NSD3: variants seen among roughly 807,000 people sequenced by gnomAD.
The protein encoded by NSD3 is nuclear receptor binding SET domain protein 3, also known as histone-lysine N-methyltransferase NSD3.
NSD3 carries 24 observed loss-of-function variants against 160.8 expected under a neutral mutation model. That is an observed-to-expected ratio of 0.15 (90% confidence interval 0.11 to 0.21). The LOEUF (loss-of-function observed/expected upper bound fraction) is 0.21. NSD3 is among the 10% of genes least tolerant of loss of function. The probability of loss-of-function intolerance (pLI) is 1.00; values close to 1 mark genes in which losing one functional copy is unlikely to be tolerated. For missense variants in NSD3, 1,157 were observed against 1,735.9 expected, an observed-to-expected ratio of 0.67 and a Z score of 5.93; for synonymous variants, 520 against 600.0, an observed-to-expected ratio of 0.87 and a Z score of 1.95.
intron 1 of NSD3, among the ~76,000 whole-genome samples, chr8:38,379,577 G>A (rs549298109): frequency 1.3e-5 from 2 of 151,986 alleles, no homozygotes; most frequent in Non-Finnish European, 2.9e-5. Context: ...AGCTGAGAGG[G>A]TGCTTTTAGT....
intron 7 of NSD3, among the ~76,000 whole-genome samples, chr8:38,324,305 C>G (rs1413602992): frequency 6.6e-6 from 1 of 152,192 alleles, no homozygotes; most frequent in Non-Finnish European, 1.5e-5. Flanking sequence ...ATGCCCCATC[C>G]AACATGTGCT....
At chr8:38,366,418 C>T (rs1172665009) in intron 1 of NSD3, among the ~76,000 whole-genome samples, 183 of 132,166 alleles carry the variant, frequency 1.4e-3, no homozygotes, top group African/African-American at 4.5e-3. Flanking sequence ...CTACTTAATT[C>T]TTTTTTTTTT....
intron 1 of NSD3, among the ~76,000 whole-genome samples, chr8:38,351,648 G>A (rs1278701490): frequency 1.2e-4 from 18 of 149,212 alleles, no homozygotes; most frequent in Non-Finnish European, 2.2e-4. Context: ...GGGCAACAGA[G>A]TGAGACTCCG....
intron 21 of NSD3, among the ~76,000 whole-genome samples, chr8:38,278,697 A>G (rs1808669410): frequency 6.6e-6 from 1 of 152,246 alleles, no homozygotes; most frequent in South Asian, 2.1e-4. Flanking sequence ...TCTGCAATCT[A>G]TGCTCAGGAG....
chr8:38,299,720 G>C, intron 14 of NSD3, 130 bp from the exon 15 acceptor site: 253 of 823,638 alleles, frequency 3.1e-4, no homozygotes, highest in Non-Finnish European at 3.9e-4. Context: ...AGAATATGAA[G>C]AAAAAAGAAA....
intron 1 of NSD3, among the ~76,000 whole-genome samples, chr8:38,372,438 A>G (rs553202974): frequency 6.6e-6 from 1 of 151,720 alleles, no homozygotes; most frequent in South Asian, 2.1e-4. Flanking sequence ...ACAATTAAAA[A>G]CTGGTTATTC....
In NSD3 at chr8:38,321,280, G is replaced by T; in HGVS notation, c.1709-108C>A. The T allele has an allele frequency of 1.2e-6, 1 of 805,380 alleles. No homozygotes were observed. The highest frequency in any genetic ancestry group is 1.9e-6 in the Non-Finnish European group (1 of 527,754). 49.9% of individuals were successfully genotyped at this position (805,380 alleles called of 1,614,324 possible). On this transcript the variant is annotated intron_variant, in intron 7 of 23. Transcript: ENST00000317025. The surrounding 1 kb of genome is among the most constrained non-coding windows in gnomAD (Gnocchi z 4.7). ...TTGCTTTTCTTACCCATTACTTTTG[G>T]AATTTTAATTAAAATCATTAAAAAA...
chr8:38,364,147 C>T (rs1406270030), intron 1 of NSD3, among the ~76,000 whole-genome samples: 1 of 151,904 alleles, frequency 6.6e-6, no homozygotes, highest in Non-Finnish European at 1.5e-5. Flanking sequence ...CATGGTGATG[C>T]GCGTCTGTAG....
At chr8:38,295,402 A>AATT (rs1809110946) in intron 16 of NSD3, among the ~76,000 whole-genome samples, 1 of 151,968 alleles carries the variant, frequency 6.6e-6, no homozygotes, top group Non-Finnish European at 1.5e-5. Flanking sequence ...CTCTACTAAA[A>AATT]ATACAAAAAA....
intron 1 of NSD3, among the ~76,000 whole-genome samples, chr8:38,371,488 T>A (rs894916824): frequency 6.6e-6 from 1 of 152,170 alleles, no homozygotes; most frequent in African/African-American, 2.4e-5. Context: ...TACTTCCACA[T>A]CTAGGAAAAC....
In NSD3 at chr8:38,338,573, T is replaced by G. The variant is rs1563360257; in HGVS notation, c.710A>C (p.Lys237Thr). 20 of 1,613,920 alleles carry G rather than the reference T, an allele frequency of 1.2e-5. No homozygotes were observed. Among genetic ancestry groups the G allele is most frequent in the Non-Finnish European group, 1.7e-5 (20 of 1,179,932 alleles). ...PNERVDTVSE[K>T]PREEPVLKEE... ...TTTTAGTACTGGTTCTTCCCTTGGT[T>G]TTTCTGATACAGTGTCAACCCTCTC... is the stretch of plus-strand genomic sequence containing the variant. Residue 237 changes from lysine to threonine, a missense_variant, in exon 3 of 24, where the codon AAA becomes ACA. Physicochemically the swap from Lys to Thr is moderately conservative, Grantham distance 78. Around this residue, in one of 10 missense-constraint regions of NSD3, gnomAD observed 99 missense variants for 151.8 expected, o/e 0.65. Coordinates refer to ENST00000317025, the MANE Select transcript of NSD3 (RefSeq NM_023034.2).
intron 23 of NSD3, 26 bp from the exon 24 acceptor site, chr8:38,275,908 AAGG>A (rs1563339072): frequency 3.1e-6 from 5 of 1,602,076 alleles, no homozygotes; most frequent in African/African-American, 1.3e-5. Flanking sequence ...GGGGAGGAAG[AAGG>A]AGAAGTGCCC....
Position 38,273,481 on chromosome 8 carries a change from G to A in NSD3, c.*2160C>T, listed in dbSNP as rs1188884593. On this transcript the variant is annotated 3_prime_UTR_variant, in exon 24 of 24. Transcript: ENST00000317025. ...ATAGGATGTACCCTGGCTTACCATAGAAAAGTCTTTAGATAGTAAATAGCA... is the reference window on the plus strand; with the variant it reads ...ATAGGATGTACCCTGGCTTACCATAAAAAAGTCTTTAGATAGTAAATAGCA... The A allele has an allele frequency of 6.6e-6, 1 of 152,040 alleles. No individual in the cohort carries two copies. The highest frequency in any genetic ancestry group is 1.5e-5 in the Non-Finnish European group (1 of 68,026). The allele number at this position is 152,040 out of a possible 1,614,324, so 9.4% of individuals were successfully genotyped here. A position where few individuals can be genotyped will look rare whatever the true frequency, so the allele number is the denominator to read the frequency against.
At chr8:38,284,979 C>T (rs1350316824) in intron 19 of NSD3, among the ~76,000 whole-genome samples, 1 of 152,152 alleles carries the variant, frequency 6.6e-6, no homozygotes, top group East Asian at 1.9e-4. Flanking sequence ...AGATCTTTAG[C>T]CTCAAAGAGA....
intron 15 of NSD3, 56 bp from the exon 16 acceptor site, chr8:38,296,008 G>GA (rs1809128808): frequency 5.4e-6 from 8 of 1,488,744 alleles, no homozygotes; most frequent in Non-Finnish European, 6.3e-6. Context: ...GAAAAAGAAA[G>GA]AAAAAGGAGA....
At position 38,329,837 on chromosome 8, in the gene NSD3, A is replaced by G. The variant is rs1810010642; in HGVS notation, c.1122T>C (p.His374=). 2 of 1,612,262 alleles carry G rather than the reference A, an allele frequency of 1.2e-6. No homozygotes were observed. The highest frequency in any genetic ancestry group is 2.7e-5 in the African/African-American group (2 of 74,852). ...ERAQWDIGIA[H]AEKALKMTRE... is the part of the protein sequence containing the mutation. ...GAGTCATTTTCAATGCTTTCTCTGC[A>G]TGGGCAATGCCAATATCCCACTGAG... Residue 374 remains histidine, a synonymous_variant, in exon 6 of 24, where the codon CAT becomes CAC. Coordinates refer to ENST00000317025, the MANE Select transcript of NSD3 (RefSeq NM_023034.2). The surrounding 1 kb of genome is among the most constrained non-coding windows in gnomAD (Gnocchi z 4.8).
At chr8:38,315,017 A>G (rs1809624757) in intron 11 of NSD3, among the ~76,000 whole-genome samples, 1 of 152,270 alleles carries the variant, frequency 6.6e-6, no homozygotes, top group South Asian at 2.1e-4. Context: ...ACAATATGGT[A>G]TAAAGTTTAA....
rs144818849 is a variant in NSD3, at chr8:38,291,626, G to A, written c.2916-949C>T. Among the ~76,000 whole-genome samples, 336 of 152,262 alleles carry A rather than the reference G, an allele frequency of 2.2e-3. 1 individual carries two copies. Among genetic ancestry groups the A allele is most frequent in the Non-Finnish European group, 4.1e-3 (281 of 68,010 alleles). On this transcript the variant is annotated intron_variant, in intron 16 of 23. Transcript: ENST00000317025. The stretch of plus-strand genomic sequence containing the variant: ...TGAAAACATGGGTAAGAATCCATGC[G>A]CAAATTGTAAACAAAACAAAAACCA...
intron 16 of NSD3, among the ~76,000 whole-genome samples, chr8:38,294,241 G>T (rs1809078671): frequency 6.6e-6 from 1 of 152,022 alleles, no homozygotes; most frequent in South Asian, 2.1e-4. Flanking sequence ...ACCACACATG[G>T]CACGCCACTA....
Sources: gnomAD v4.1 joint callset for allele counts (sites outside exome capture counted in the v4.1 genomes callset) on GRCh38, gnomAD v4.1.1 for gene constraint, gnomAD v4.1.1 regional missense constraint, Gnocchi (gnomAD v3.1) non-coding constraint, MANE v1.5 for transcripts, NCBI Gene and HGNC (gene_info 2026-07-23, HGNC 2026-07-21) for gene names.